TSC22D1: variants seen among roughly 807,000 people sequenced by gnomAD.
TSC22D1 encodes TSC22 domain family member 1, also known as TSC22 domain family protein 1.
In TSC22D1, 9 loss-of-function variants were observed where a neutral mutation model predicts 74.2. The observed-to-expected ratio is 0.12, with a 90% CI of 0.07 to 0.21. The LOEUF is 0.21. Ranked by LOEUF, TSC22D1 falls within the 10% of genes least tolerant of loss-of-function variation. The pLI, the probability that TSC22D1 is intolerant of heterozygous loss-of-function variation, is 1.00. For synonymous variants in TSC22D1, 586 were observed against 492.5 expected (o/e 1.19, Z -2.51); for missense variants, 1,427 against 1,304.7 (o/e 1.09, Z -1.44).
intron 1 of TSC22D1, among the ~76,000 whole-genome samples, chr13:44,480,880 A>T (rs1424108295): frequency 6.6e-6 from 1 of 152,102 alleles, no homozygotes; most frequent in Non-Finnish European, 1.5e-5. Context: ...CAGGTCATAG[A>T]GATTATGGGG....
chr13:44,487,624 T>C (rs566073130), intron 1 of TSC22D1, among the ~76,000 whole-genome samples: 75 of 150,322 alleles, frequency 5.0e-4, no homozygotes, highest in Admixed American at 1.5e-3. Context: ...TAAAGAGGTA[T>C]CAGGACCAAA....
chr13:44,451,426 TGG>T (rs1487269033), intron 1 of TSC22D1: 4 of 151,696 alleles, frequency 2.6e-5, no homozygotes. Flanking sequence ...AGGGAAAGAG[TGG>T]GCAGAGAAGA....
chr13:44,448,559 A>G (rs768337578), intron 1 of TSC22D1, among the ~76,000 whole-genome samples: 1 of 152,086 alleles, frequency 6.6e-6, no homozygotes, highest in Non-Finnish European at 1.5e-5. Context: ...GGCAAAGTTG[A>G]CTCTGTGTGC....
chr13:44,571,815 T>C (rs1472729100), intron 1 of TSC22D1, among the ~76,000 whole-genome samples: 1 of 152,130 alleles, frequency 6.6e-6, no homozygotes, highest in Admixed American at 6.5e-5. Context: ...AGGTTTTAAT[T>C]ACCTGACTAT....
At chr13:44,525,164 C>T (rs1027090062) in intron 1 of TSC22D1, among the ~76,000 whole-genome samples, 7 of 152,098 alleles carry the variant, frequency 4.6e-5, no homozygotes, top group African/African-American at 1.7e-4. Flanking sequence ...CCCAGGGGCA[C>T]TGTCCCACAA....
At chr13:44,445,989 C>T (rs1003782061) in intron 1 of TSC22D1, among the ~76,000 whole-genome samples, 1 of 152,122 alleles carries the variant, frequency 6.6e-6, no homozygotes, top group African/African-American at 2.4e-5. Context: ...TAAAGTTAGA[C>T]ACAGAGTTTC....
chr13:44,570,087 G>A, intron 1 of TSC22D1, among the ~76,000 whole-genome samples: 1 of 151,992 alleles, frequency 6.6e-6, no homozygotes. Context: ...TTAAGAGGCT[G>A]TGCTAATAAC....
chr13:44,470,037 G>A (rs1477504474), intron 1 of TSC22D1, among the ~76,000 whole-genome samples: 1 of 152,150 alleles, frequency 6.6e-6, no homozygotes, highest in Non-Finnish European at 1.5e-5. Flanking sequence ...ATTTTAGAGA[G>A]CCAGAGAAAG....
intron 2 of TSC22D1, among the ~76,000 whole-genome samples, chr13:44,435,552 A>G (rs1377914663): frequency 6.6e-6 from 1 of 152,196 alleles, no homozygotes; most frequent in African/African-American, 2.4e-5. Flanking sequence ...CTAAGAAAAC[A>G]AAACTTTTTC....
chr13:44,559,213 A>T (rs1882876858), intron 1 of TSC22D1, among the ~76,000 whole-genome samples: 1 of 152,226 alleles, frequency 6.6e-6, no homozygotes, highest in Non-Finnish European at 1.5e-5. Flanking sequence ...AGAAAAGGAA[A>T]GACTCAGATA....
intron 1 of TSC22D1, among the ~76,000 whole-genome samples, chr13:44,548,436 T>G (rs530206024): frequency 5.9e-5 from 9 of 152,220 alleles, no homozygotes; most frequent in Admixed American, 2.0e-4. Context: ...TAGTGTATGA[T>G]AAAAGCTAGA....
intron 1 of TSC22D1, among the ~76,000 whole-genome samples, chr13:44,547,456 A>T (rs962447386): frequency 1.3e-5 from 2 of 152,206 alleles, no homozygotes; most frequent in African/African-American, 4.8e-5. Context: ...CAAGTGTGGA[A>T]ATTAACTCCA....
At chr13:44,541,943 A>C (rs1423165117) in intron 1 of TSC22D1, among the ~76,000 whole-genome samples, 1 of 152,120 alleles carries the variant, frequency 6.6e-6, no homozygotes, top group Non-Finnish European at 1.5e-5. Flanking sequence ...TTATTAAACA[A>C]TCATCCTCTA....
In TSC22D1 at chr13:44,576,320, C is replaced by G. The variant is rs1884245968; in HGVS notation, c.-246G>C. ...AAGGGGGGATCCCTTCAGTCCTTCG[C>G]CATTCACTTTCCCCTCTAGCCTCAC... is the stretch of plus-strand genomic sequence containing the variant. On this transcript the variant is annotated 5_prime_UTR_variant, in exon 1 of 3. Coordinates refer to ENST00000458659, the MANE Select transcript of TSC22D1 (RefSeq NM_183422.4). 3 of 524,622 alleles carry G rather than the reference C, an allele frequency of 5.7e-6. No individual in the cohort carries two copies. The highest frequency in any genetic ancestry group is 3.6e-5 in the Admixed American group (1 of 27,426). 32.5% of individuals were successfully genotyped at this position (524,622 alleles called of 1,614,324 possible).
At chr13:44,456,070 T>C (rs1304811616) in intron 1 of TSC22D1, among the ~76,000 whole-genome samples, 8 of 152,178 alleles carry the variant, frequency 5.3e-5, no homozygotes, top group Admixed American at 2.6e-4. Context: ...CAATTGTATC[T>C]GGAATTGGTT....
At chr13:44,445,012 T>C (rs1364210908) in intron 1 of TSC22D1, among the ~76,000 whole-genome samples, 2 of 152,156 alleles carry the variant, frequency 1.3e-5, no homozygotes, top group African/African-American at 2.4e-5. Context: ...ATCAATTCTA[T>C]ACAAACTCTT....
At chr13:44,537,380 T>A (rs549019977) in intron 1 of TSC22D1, 1 of 985,162 alleles carries the variant, frequency 1.0e-6, no homozygotes, top group East Asian at 1.1e-4. Context: ...GCACTTACAT[T>A]TCCTTTTGCA....
chr13:44,509,950 C>CAAAAAAAGAAAAAAAA (rs1879615564), intron 1 of TSC22D1, among the ~76,000 whole-genome samples: 1 of 51,426 alleles, frequency 1.9e-5, no homozygotes, highest in African/African-American at 7.5e-5. Context: ...AGAAAATAAG[C>CAAAAAAAGAAAAAAAA]AAAAAAAAAA....
rs1355452226 is a variant in TSC22D1 at position 44,573,861 on chromosome 13, T to C, written c.2214A>G (p.Ile738Met). ...QIANIGQQAN[I>M]PTAVQQPSTQ... Reference sequence around the variant, plus strand: ...TAGAGGGCTGCTGCACTGCAGTAGGTATGTTTGCTTGCTGACCAATATTTG... The same window carrying C: ...TAGAGGGCTGCTGCACTGCAGTAGGCATGTTTGCTTGCTGACCAATATTTG... Residue 738 changes from isoleucine (I) to methionine (M), a missense_variant, in exon 1 of 3, where the codon ATA becomes ATG. Ile to Met is a conservative substitution (Grantham distance 10). Coordinates refer to ENST00000458659, the MANE Select transcript of TSC22D1 (RefSeq NM_183422.4). The C allele has an allele frequency of 6.2e-7, 1 of 1,614,076 alleles. No individual in the cohort carries two copies. The highest frequency in any genetic ancestry group is 1.7e-5 in the Admixed American group (1 of 60,008).
Sources: gnomAD v4.1 joint callset for allele counts (sites outside exome capture counted in the v4.1 genomes callset) on GRCh38, gnomAD v4.1.1 for gene constraint, MANE v1.5 for transcripts, NCBI Gene and HGNC (gene_info 2026-07-23, HGNC 2026-07-21) for gene names.